Variants in FAM135B observed in about 807,000 individuals in gnomAD.
FAM135B encodes the protein protein FAM135B.
In FAM135B, 43 loss-of-function variants were observed where a neutral mutation model predicts 127.7. That is an observed-to-expected ratio of 0.34 (90% confidence interval 0.26 to 0.43). The LOEUF (loss-of-function observed/expected upper bound fraction) is 0.43, where lower values mean the gene tolerates loss of function less well. Ranked by LOEUF, FAM135B falls within the 20% of genes least tolerant of loss-of-function variation. The pLI, the probability that FAM135B is intolerant of heterozygous loss-of-function variation, is 1.00. For synonymous variants in FAM135B, 670 were observed against 665.1 expected (o/e 1.01, Z -0.11); for missense variants, 1,558 against 1,725.6 (o/e 0.90, Z 1.72).
chr8:138,395,548 C>T (rs1308882150), intron 1 of FAM135B, among the ~76,000 whole-genome samples: 2 of 152,182 alleles, frequency 1.3e-5, no homozygotes, highest in Non-Finnish European at 2.9e-5. Context: ...TACAGATTTG[C>T]AACTGTGCAA....
chr8:138,175,424 C>G (rs903955699), intron 11 of FAM135B, among the ~76,000 whole-genome samples: 1 of 152,332 alleles, frequency 6.6e-6, no homozygotes, highest in African/African-American at 2.4e-5. Context: ...CTTGCTGTAA[C>G]CCCAGACACT....
intron 3 of FAM135B, among the ~76,000 whole-genome samples, chr8:138,299,782 A>G (rs1296653667): frequency 2.6e-5 from 4 of 152,168 alleles, no homozygotes; most frequent in African/African-American, 9.7e-5. Flanking sequence ...GTATGCAGAA[A>G]AATCACAAAT....
At position 138,167,900 on chromosome 8, in the gene FAM135B, G is replaced by A. The variant is rs747666977; in HGVS notation, c.1253C>T (p.Ala418Val). ...IFEDRYVDCP[A>V]TGHNLSVYPN... ...CCAAAACAAAACAGACAAACCTGTC[G>A]CAGGGCAGTCCACGTATCTGTCCTC... Residue 418 changes from alanine to valine, a missense_variant, in exon 12 of 20, where the codon GCG (alanine) becomes GTG (valine). Transcript: ENST00000395297. 3.7e-5 allele frequency: 59 copies of A among 1,608,874 alleles called. No homozygotes were observed. The South Asian group carries it at 5.6e-4, about 15-fold the overall frequency.
chr8:138,253,345 G>A (rs1821845829), intron 5 of FAM135B, among the ~76,000 whole-genome samples: 1 of 152,110 alleles, frequency 6.6e-6, no homozygotes, highest in South Asian at 2.1e-4. Context: ...CAAATATGAG[G>A]TTAGGATAAA....
chr8:138,449,261 TAA>T (rs1250219298), intron 1 of FAM135B, among the ~76,000 whole-genome samples: 1 of 152,172 alleles, frequency 6.6e-6, no homozygotes, highest in Non-Finnish European at 1.5e-5. Context: ...CACAGGCTGC[TAA>T]GAGAGCTTGT....
intron 1 of FAM135B, among the ~76,000 whole-genome samples, chr8:138,435,544 T>C (rs2131524856): frequency 6.6e-6 from 1 of 152,264 alleles, no homozygotes; most frequent in South Asian, 2.1e-4. Context: ...CATTACTTAT[T>C]AGAATGCAAT....
chr8:138,266,558 A>C (rs978515270), intron 3 of FAM135B, among the ~76,000 whole-genome samples: 1 of 151,576 alleles, frequency 6.6e-6, no homozygotes, highest in Non-Finnish European at 1.5e-5. Flanking sequence ...TAAACTATAC[A>C]GTTGGAGATA....
chr8:138,254,169 C>G (rs4909767), intron 5 of FAM135B, among the ~76,000 whole-genome samples: 1 of 152,064 alleles, frequency 6.6e-6, no homozygotes, highest in South Asian at 2.1e-4. Context: ...TCTATAATGA[C>G]ATCTATTTTG....
intron 1 of FAM135B, among the ~76,000 whole-genome samples, chr8:138,374,578 G>A (rs1022800015): frequency 6.6e-6 from 1 of 152,158 alleles, no homozygotes; most frequent in African/African-American, 2.4e-5. Flanking sequence ...GGAATAAATG[G>A]TAACACCAGA....
chr8:138,137,161 T>C lies in FAM135B; in HGVS notation c.4001A>G (p.Lys1334Arg), dbSNP rs748925477. Residue 1334 changes from lysine (K) to arginine (R), a missense_variant, in exon 19 of 20, where the codon AAA becomes AGA. Coordinates refer to ENST00000395297, the MANE Select transcript of FAM135B (RefSeq NM_015912.4). ...ARIEMCKTAL[K>R]DRHTGPVYAE... ...ATGTAGCTTACCTGTGTGTCTGTCT[T>C]TGAGGGCAGTTTTACACATTTCAAT... 5 of 1,563,168 alleles carry C rather than the reference T, an allele frequency of 3.2e-6. No homozygotes were observed. The highest frequency in any genetic ancestry group is 2.2e-5 in the South Asian group (2 of 90,208).
chr8:138,188,177 C>T (rs1419813736), intron 9 of FAM135B, among the ~76,000 whole-genome samples: 2 of 152,188 alleles, frequency 1.3e-5, no homozygotes, highest in East Asian at 1.9e-4. Flanking sequence ...CATCAGCACT[C>T]TTTGCAATAT....
intron 19 of FAM135B, among the ~76,000 whole-genome samples, chr8:138,136,673 A>G (rs921342066): frequency 1.3e-5 from 2 of 152,230 alleles, no homozygotes; most frequent in African/African-American, 4.8e-5. Context: ...GAAAATTCCT[A>G]CCTATCCTTT....
rs1471780857 is a variant in FAM135B, at chr8:138,243,680, G to C, written c.543-612C>G. 6.6e-6 allele frequency among the ~76,000 whole-genome samples: 1 copy of C among 152,168 alleles called. No individual in the cohort carries two copies. Among genetic ancestry groups the C allele is most frequent in the African/African-American group, 2.4e-5 (1 of 41,438 alleles). On this transcript the variant is annotated intron_variant, in intron 6 of 19. Transcript: ENST00000395297. This position sits in a 1 kb window ranked among gnomAD's most constrained non-coding sequence, Gnocchi z 7.5. Reference sequence around the variant, plus strand: ...AAAGATTAATGGACATATTGTGATGGCAATGATCAATTTCAGGATCAAAGG... The same window carrying C: ...AAAGATTAATGGACATATTGTGATGCCAATGATCAATTTCAGGATCAAAGG...
intron 2 of FAM135B, among the ~76,000 whole-genome samples, chr8:138,367,142 A>C (rs1563940506): frequency 6.6e-6 from 1 of 152,354 alleles, no homozygotes; most frequent in East Asian, 1.9e-4. Context: ...ATGCAACAAA[A>C]GCAAATGGAT....
intron 2 of FAM135B, among the ~76,000 whole-genome samples, chr8:138,356,755 T>C (rs1438156992): frequency 6.6e-6 from 1 of 152,140 alleles, no homozygotes; most frequent in African/African-American, 2.4e-5. Context: ...TGAGTGTCAA[T>C]GGCTGGGGTC....
At chr8:138,146,596 G>A (rs1817676728) in intron 14 of FAM135B, among the ~76,000 whole-genome samples, 1 of 152,108 alleles carries the variant, frequency 6.6e-6, no homozygotes, top group African/African-American at 2.4e-5. Flanking sequence ...GCTCTACGGA[G>A]GCACAGCAGT....
chr8:138,206,462 C>A (rs1293282159), intron 7 of FAM135B, among the ~76,000 whole-genome samples: 3 of 136,924 alleles, frequency 2.2e-5, no homozygotes, highest in East Asian at 2.6e-4. Context: ...CACACAACTC[C>A]AGCATCCCCT....
chr8:138,300,809 G>C (rs1796842411), intron 3 of FAM135B, among the ~76,000 whole-genome samples: 1 of 141,318 alleles, frequency 7.1e-6, no homozygotes, highest in South Asian at 2.3e-4. Context: ...AGAGTGCAGT[G>C]GCACTTTCTC....
intron 1 of FAM135B, among the ~76,000 whole-genome samples, chr8:138,374,371 C>G (rs1210631451): frequency 2.0e-5 from 3 of 152,174 alleles, no homozygotes; most frequent in Non-Finnish European, 4.4e-5. Context: ...AAAATGTTCT[C>G]ATTGTCAATA....
Sources: gnomAD v4.1 joint callset for allele counts (sites outside exome capture counted in the v4.1 genomes callset) on GRCh38, gnomAD v4.1.1 for gene constraint, Gnocchi (gnomAD v3.1) non-coding constraint, MANE v1.5 for transcripts, NCBI Gene and HGNC (gene_info 2026-07-23, HGNC 2026-07-21) for gene names.